Variants in PCDHA7 observed in about 807,000 individuals in gnomAD.
PCDHA7 encodes protocadherin alpha-7.
A neutral mutation model predicts 57.2 loss-of-function variants in PCDHA7; 37 were observed. The ratio of observed to expected loss-of-function variants is 0.65; its 90% CI spans 0.50 to 0.85. The LOEUF (loss-of-function observed/expected upper bound fraction) is 0.85. Ranked by LOEUF, PCDHA7 falls within the 40% of genes least tolerant of loss-of-function variation. The pLI is 0.00. For synonymous variants in PCDHA7, 553 were observed against 558.8 expected, an observed-to-expected ratio of 0.99 and a Z score of 0.15; for missense variants, 1,188 against 1,241.8, an observed-to-expected ratio of 0.96 and a Z score of 0.65.
intron 1 of PCDHA7, chr5:140,853,828 C>T: frequency 2.0e-6 from 2 of 986,484 alleles, no homozygotes; most frequent in South Asian, 9.5e-5. Flanking sequence ...TCTCATACAA[C>T]CGAAATTTTA....
intron 1 of PCDHA7, chr5:140,928,137 C>A (rs537220203): frequency 6.2e-7 from 1 of 1,614,182 alleles, no homozygotes; most frequent in South Asian, 1.1e-5. Flanking sequence ...AAGTCCTGAT[C>A]ACGGCCTCAG....
chr5:140,873,153 C>T (rs2054129567), intron 1 of PCDHA7, among the ~76,000 whole-genome samples: 1 of 152,224 alleles, frequency 6.6e-6, no homozygotes, highest in East Asian at 1.9e-4. Flanking sequence ...TATTCATAGA[C>T]TTTAGATCGA....
At chr5:140,971,778 G>C (rs1346530602) in intron 1 of PCDHA7, among the ~76,000 whole-genome samples, 2 of 151,860 alleles carry the variant, frequency 1.3e-5, no homozygotes, top group Non-Finnish European at 2.9e-5. Context: ...TATTATTCAA[G>C]ATTATTCAAT....
intron 1 of PCDHA7, among the ~76,000 whole-genome samples, chr5:140,974,548 G>A (rs2096631054): frequency 6.6e-6 from 1 of 152,068 alleles, no homozygotes; most frequent in South Asian, 2.1e-4. Context: ...TTTTGCTCTT[G>A]TTGCCCAGGC....
chr5:140,978,806 C>G (rs1554239758), intron 1 of PCDHA7, 143 bp from the exon 2 acceptor site: 2 of 1,492,474 alleles, frequency 1.3e-6, no homozygotes, highest in Non-Finnish European at 1.8e-6. Context: ...TAGATATCAT[C>G]ATAGAGTTAC....
chr5:140,992,971 T>C (rs1186217726), intron 3 of PCDHA7, among the ~76,000 whole-genome samples: 17 of 152,166 alleles, frequency 1.1e-4, no homozygotes, highest in Admixed American at 1.1e-3. Flanking sequence ...CTGCTGACAA[T>C]GATTAGGCCA....
At chr5:140,888,938 G>T (rs947628683) in intron 1 of PCDHA7, among the ~76,000 whole-genome samples, 1 of 151,864 alleles carries the variant, frequency 6.6e-6, no homozygotes, top group Admixed American at 6.6e-5. Flanking sequence ...TTTGAGGGAG[G>T]TATAAATTTT....
At chr5:140,867,175 C>T (rs782419499) in intron 1 of PCDHA7, 5 of 152,056 alleles carry the variant, frequency 3.3e-5, no homozygotes, top group Admixed American at 1.3e-4. Context: ...GGTTCATTTC[C>T]CTACCTCGCA....
intron 1 of PCDHA7, among the ~76,000 whole-genome samples, chr5:140,897,778 T>C (rs1402383058): frequency 2.0e-5 from 3 of 152,208 alleles, no homozygotes; most frequent in Non-Finnish European, 2.9e-5. Context: ...ACTTCCACAA[T>C]GGTTGAACTA....
chr5:140,996,803 G>A (rs2097746425), intron 3 of PCDHA7, among the ~76,000 whole-genome samples: 1 of 152,224 alleles, frequency 6.6e-6, no homozygotes, highest in African/African-American at 2.4e-5. Flanking sequence ...ATCCAATCAT[G>A]CTTTCCAAAA....
intron 1 of PCDHA7, chr5:140,863,197 C>A: frequency 1.1e-6 from 1 of 888,970 alleles, no homozygotes; most frequent in Non-Finnish European, 1.8e-6. Flanking sequence ...GGTGGCGTCG[C>A]TGGCGGAGAG....
At chr5:140,917,324 C>CGGG (rs1299895515) in intron 1 of PCDHA7, among the ~76,000 whole-genome samples, 10 of 76,182 alleles carry the variant, frequency 1.3e-4, no homozygotes, top group South Asian at 4.5e-4. Flanking sequence ...GTTCATGTGG[C>CGGG]GGGGGAGGGG....
chr5:140,966,532 G>A (rs1418404048), intron 1 of PCDHA7: 7 of 447,876 alleles, frequency 1.6e-5, no homozygotes, highest in East Asian at 3.5e-5. Flanking sequence ...GAGCCGGGTT[G>A]AGCGACTCGG....
intron 3 of PCDHA7, among the ~76,000 whole-genome samples, chr5:140,992,758 G>T (rs1160312796): frequency 6.6e-6 from 1 of 152,182 alleles, no homozygotes; most frequent in Non-Finnish European, 1.5e-5. Flanking sequence ...CTGTGTTGGG[G>T]ATAGGAGGGT....
chr5:140,930,453 C>G (rs1195640207), intron 1 of PCDHA7: 6 of 152,300 alleles, frequency 3.9e-5, no homozygotes, highest in African/African-American at 1.5e-4. Flanking sequence ...AAACTCCTAG[C>G]CTCAAGTGAT....
At chr5:140,966,659 G>C in intron 1 of PCDHA7, 5 of 1,217,658 alleles carry the variant, frequency 4.1e-6, no homozygotes, top group Non-Finnish European at 5.3e-6. Context: ...AGCGGTGGGG[G>C]AGCAGGCGCA....
chr5:140,924,036 C>A (rs2081633869), intron 1 of PCDHA7, among the ~76,000 whole-genome samples: 1 of 152,162 alleles, frequency 6.6e-6, no homozygotes, highest in African/African-American at 2.4e-5. Context: ...TGGCTGCAGA[C>A]CTAAAAGTTC....
chr5:140,926,745 C>T (rs1344644551), intron 1 of PCDHA7: 3 of 1,219,360 alleles, frequency 2.5e-6, no homozygotes, highest in Non-Finnish European at 3.2e-6. Flanking sequence ...GGCGCAACGT[C>T]GGCGGTCGCT....
At chr5:140,865,422 A>G (rs1381017187) in intron 1 of PCDHA7, 2 of 152,214 alleles carry the variant, frequency 1.3e-5, no homozygotes, top group African/African-American at 4.8e-5. Context: ...AGTAGTGTCT[A>G]CCTAGAAAAA....
Sources: gnomAD v4.1 joint callset for allele counts (sites outside exome capture counted in the v4.1 genomes callset) on GRCh38, gnomAD v4.1.1 for gene constraint, MANE v1.5 for transcripts, NCBI Gene and HGNC (gene_info 2026-07-23, HGNC 2026-07-21) for gene names.